The following CDC73 variants were observed in gnomAD, a reference collection of about 807,000 sequenced individuals.
The protein encoded by CDC73 is parafibromin.
A neutral mutation model predicts 83.7 loss-of-function variants in CDC73; 21 were observed. The observed-to-expected ratio is 0.25, with a 90% CI of 0.18 to 0.36. The LOEUF (loss-of-function observed/expected upper bound fraction) is 0.36. CDC73 is among the 10% of genes least tolerant of loss of function. The probability of loss-of-function intolerance (pLI) is 1.00; values close to 1 mark genes in which losing one functional copy is unlikely to be tolerated. For missense variants in CDC73, 342 were observed against 653.3 expected (o/e 0.52, Z 5.19); for synonymous variants, 224 against 212.9 (o/e 1.05, Z -0.45).
Position 193,164,371 on chromosome 1 carries a change from A to G in CDC73, c.972+11927A>G, listed in dbSNP as rs527345751. Among the ~76,000 whole-genome samples the G allele has an allele frequency of 5.9e-5, 9 of 152,338 alleles. 1 individual carries two copies. In the South Asian group the frequency reaches 1.9e-3, roughly 32 times the overall value. ...TTAGTAATTTGCTGTAGCCCAGAGAAAGGCTGAGAAACTAAGTAATGTTAG... is the reference window on the plus strand; with the variant it reads ...TTAGTAATTTGCTGTAGCCCAGAGAGAGGCTGAGAAACTAAGTAATGTTAG... On this transcript the variant is annotated intron_variant, in intron 10 of 16. Transcript: ENST00000367435.
intron 10 of CDC73, among the ~76,000 whole-genome samples, chr1:193,177,181 T>A (rs7546869): frequency 0.62 from 93,934 of 150,646 alleles, 29,738 homozygotes; most frequent in South Asian, 0.77. Context: ...CTTTTTTTTT[T>A]AATCAGCTGT....
At chr1:193,238,410 A>C (rs1677800921) in intron 15 of CDC73, among the ~76,000 whole-genome samples, 1 of 152,120 alleles carries the variant, frequency 6.6e-6, no homozygotes, top group South Asian at 2.1e-4. Flanking sequence ...CTCTGTACTA[A>C]AGCTGTTTTC....
rs532107364 is a variant in CDC73 at position 193,131,562 on chromosome 1, T to C, written c.307+1319T>C. On this transcript the variant is annotated intron_variant, in intron 3 of 16. Transcript: ENST00000367435. ...CTGTGGCTTCCCATCACTCTTAGAA[T>C]AAAACTCATACTTGTTACCCTGGCA... is the stretch of plus-strand genomic sequence containing the variant. Among the ~76,000 whole-genome samples the C allele has an allele frequency of 5.3e-5, 8 of 152,296 alleles. No homozygotes were observed. In the South Asian group the frequency reaches 1.7e-3, roughly 32 times the overall value.
chr1:193,175,298 C>G lies in CDC73; in HGVS notation c.972+22854C>G, dbSNP rs144460465. On this transcript the variant is annotated intron_variant, in intron 10 of 16. Transcript: ENST00000367435. ...TGCAGTAGTTAAAAAATGAGTGATG[C>G]TGTTTTAAATAGGGGCAAGATGAAG... Among the ~76,000 whole-genome samples, 24 of 152,224 alleles carry G rather than the reference C, an allele frequency of 1.6e-4. No individual in the cohort carries two copies. The East Asian group carries it at 4.4e-3, about 28-fold the overall frequency.
At chr1:193,177,765 G>A (rs1041526653) in intron 10 of CDC73, among the ~76,000 whole-genome samples, 2 of 152,070 alleles carry the variant, frequency 1.3e-5, no homozygotes, top group Non-Finnish European at 2.9e-5. Flanking sequence ...GAATTTGCTG[G>A]AAATAGCACA....
intron 2 of CDC73, among the ~76,000 whole-genome samples, chr1:193,126,198 C>G (rs891340448): frequency 3.9e-5 from 6 of 152,164 alleles, no homozygotes; most frequent in African/African-American, 1.4e-4. Flanking sequence ...AGTTTAATCT[C>G]AAGAAAACTT....
At chr1:193,147,238 T>TGA (rs1410283638) in intron 7 of CDC73, among the ~76,000 whole-genome samples, 1 of 152,108 alleles carries the variant, frequency 6.6e-6, no homozygotes, top group Non-Finnish European at 1.5e-5. Flanking sequence ...ATGATCCACC[T>TGA]GCCTCTGCCT....
chr1:193,139,906 CATT>C (rs1675874869), intron 6 of CDC73, among the ~76,000 whole-genome samples: 1 of 152,186 alleles, frequency 6.6e-6, no homozygotes, highest in Non-Finnish European at 1.5e-5. Flanking sequence ...GAACACTAGG[CATT>C]ATTCTGTCTA....
intron 7 of CDC73, among the ~76,000 whole-genome samples, chr1:193,144,910 G>A (rs913489973): frequency 7.9e-5 from 12 of 150,956 alleles, no homozygotes; most frequent in Admixed American, 6.6e-5. Context: ...GACAGCTTTC[G>A]TGAGAAAATT....
At chr1:193,136,015 C>T (rs1675792324) in intron 5 of CDC73, among the ~76,000 whole-genome samples, 1 of 151,900 alleles carries the variant, frequency 6.6e-6, no homozygotes, top group Non-Finnish European at 1.5e-5. Flanking sequence ...ACTGCAGGTG[C>T]CTGCCACCAT....
intron 8 of CDC73, among the ~76,000 whole-genome samples, chr1:193,148,182 G>A (rs1676043264): frequency 6.6e-6 from 1 of 152,136 alleles, no homozygotes; most frequent in Non-Finnish European, 1.5e-5. Context: ...AATATACCTG[G>A]GTCAGAGTCT....
At chr1:193,208,494 A>G (rs1279275870) in intron 11 of CDC73, among the ~76,000 whole-genome samples, 1 of 152,204 alleles carries the variant, frequency 6.6e-6, no homozygotes, top group African/African-American at 2.4e-5. Flanking sequence ...ACTCAACCAC[A>G]CATAGTTTGA....
At position 193,152,358 on chromosome 1, in the gene CDC73, A is replaced by G. The variant is rs565136509; in HGVS notation, c.908-22A>G. On this transcript the variant is annotated intron_variant, in intron 9 of 16. Transcript: ENST00000367435. ...ATACATGATCTATAAAATCTTAACA[A>G]TAAGCCTCTTTTTTTTCGTAGAAAC... 99 of 1,552,124 alleles carry G rather than the reference A, an allele frequency of 6.4e-5. No homozygotes were observed. In the Middle Eastern group the frequency reaches 3.7e-3, roughly 58 times the overall value.
At chr1:193,159,444 C>A (rs1435121294) in intron 10 of CDC73, among the ~76,000 whole-genome samples, 1 of 152,088 alleles carries the variant, frequency 6.6e-6, no homozygotes, top group African/African-American at 2.4e-5. Flanking sequence ...GATCTCAGCT[C>A]AGTGCAACAT....
chr1:193,174,019 T>C (rs901595048), intron 10 of CDC73, among the ~76,000 whole-genome samples: 27 of 152,202 alleles, frequency 1.8e-4, no homozygotes, highest in Admixed American at 2.0e-4. Context: ...AAGAAAGTCT[T>C]AATTTCATTA....
intron 11 of CDC73, among the ~76,000 whole-genome samples, chr1:193,206,190 A>G (rs1345439387): frequency 6.6e-6 from 1 of 152,130 alleles, no homozygotes; most frequent in Non-Finnish European, 1.5e-5. Flanking sequence ...GGAAGATCAT[A>G]TGTGTAAAGT....
At chr1:193,162,232 TTG>T in intron 10 of CDC73, among the ~76,000 whole-genome samples, 1 of 122,952 alleles carries the variant, frequency 8.1e-6, no homozygotes, top group African/African-American at 3.3e-5. Flanking sequence ...ATCTATTATA[TTG>T]TATATAATAT....
chr1:193,247,769 C>T (rs969834041), intron 15 of CDC73, among the ~76,000 whole-genome samples: 3 of 152,084 alleles, frequency 2.0e-5, no homozygotes, highest in African/African-American at 7.2e-5. Flanking sequence ...AAGCCAGAGC[C>T]TGATCCTGAG....
At chr1:193,138,635 A>G (rs1251742911) in intron 6 of CDC73, among the ~76,000 whole-genome samples, 1 of 152,116 alleles carries the variant, frequency 6.6e-6, no homozygotes, top group Non-Finnish European at 1.5e-5. Flanking sequence ...ATTTTTCTGG[A>G]TTCCAGCTAC....
Sources: gnomAD v4.1 joint callset for allele counts (sites outside exome capture counted in the v4.1 genomes callset) on GRCh38, gnomAD v4.1.1 for gene constraint, MANE v1.5 for transcripts, NCBI Gene and HGNC (gene_info 2026-07-23, HGNC 2026-07-21) for gene names.